Variants in TAFA2 observed in about 807,000 individuals in gnomAD.
TAFA2 encodes TAFA chemokine like family member 2, also known as chemokine-like protein TAFA-2.
A neutral mutation model predicts 18.8 loss-of-function variants in TAFA2; 7 were observed. That is an observed-to-expected ratio of 0.37 (90% CI 0.21 to 0.70). TAFA2 has a LOEUF of 0.70. Ranked by LOEUF, TAFA2 falls within the 30% of genes least tolerant of loss-of-function variation. The pLI, the probability that TAFA2 is intolerant of heterozygous loss-of-function variation, is 0.53. For missense variants in TAFA2, 122 were observed against 158.1 expected (o/e 0.77, Z 1.23); for synonymous variants, 60 against 54.2 (o/e 1.11, Z -0.47).
intron 1 of TAFA2, among the ~76,000 whole-genome samples, chr12:61,955,632 A>AATATATTTATATATATATATAT (rs1878655769): frequency 2.4e-5 from 1 of 41,210 alleles, no homozygotes; most frequent in Non-Finnish European, 3.9e-5. Flanking sequence ...AAAAAAAAAA[A>AATATATTTATATATATATATAT]ATATATATAT....
intron 4 of TAFA2, among the ~76,000 whole-genome samples, chr12:61,715,281 G>T (rs990792298): frequency 6.6e-6 from 1 of 152,106 alleles, no homozygotes; most frequent in African/African-American, 2.4e-5. Context: ...TATTAAAAAT[G>T]AAGCACTGGC....
At chr12:61,908,696 C>T (rs1456527511) in intron 1 of TAFA2, among the ~76,000 whole-genome samples, 1 of 152,056 alleles carries the variant, frequency 6.6e-6, no homozygotes, top group Non-Finnish European at 1.5e-5. Context: ...AAATATAATA[C>T]CAAATTATGG....
chr12:61,893,012 TATAAATAGAG>T (rs1875700361), intron 1 of TAFA2, among the ~76,000 whole-genome samples: 1 of 152,208 alleles, frequency 6.6e-6, no homozygotes, highest in Admixed American at 6.5e-5. Context: ...TGAGTGAGAT[TATAAATAGAG>T]AAGACCCAAG....
chr12:62,243,314 G>C (rs943635643), intron 1 of TAFA2, among the ~76,000 whole-genome samples: 1 of 152,122 alleles, frequency 6.6e-6, no homozygotes, highest in African/African-American at 2.4e-5. Flanking sequence ...CTGCAATATA[G>C]CCCTAACAAA....
At chr12:62,149,164 T>A (rs4965012) in intron 1 of TAFA2, among the ~76,000 whole-genome samples, 3,334 of 152,340 alleles carry the variant, frequency 0.022, 137 homozygotes, top group East Asian at 0.12. Flanking sequence ...ATTCTTGATA[T>A]GAACTCTAGT....
intron 1 of TAFA2, among the ~76,000 whole-genome samples, chr12:61,908,570 C>T (rs1240351053): frequency 4.6e-5 from 7 of 152,104 alleles, no homozygotes; most frequent in Non-Finnish European, 1.0e-4. Flanking sequence ...CACAAAGATA[C>T]GGATTCCAGG....
chr12:61,901,861 A>G (rs1876116325), intron 1 of TAFA2, among the ~76,000 whole-genome samples: 1 of 152,152 alleles, frequency 6.6e-6, no homozygotes. Flanking sequence ...CTGTCATTAT[A>G]TAATTTCTAA....
intron 1 of TAFA2, among the ~76,000 whole-genome samples, chr12:62,092,918 C>T (rs11174307): frequency 0.19 from 28,249 of 151,916 alleles, 2,873 homozygotes; most frequent in East Asian, 0.39. Flanking sequence ...TAAACCATTA[C>T]AATTAAGTGA....
chr12:61,859,716 A>G (rs564027004), intron 2 of TAFA2, among the ~76,000 whole-genome samples: 86 of 152,180 alleles, frequency 5.7e-4, no homozygotes, highest in South Asian at 4.1e-4. Flanking sequence ...TGCTGGGATT[A>G]CAGGCATAAG....
intron 2 of TAFA2, among the ~76,000 whole-genome samples, chr12:61,829,439 G>A (rs1872637536): frequency 6.6e-6 from 1 of 151,664 alleles, no homozygotes; most frequent in Non-Finnish European, 1.5e-5. Context: ...GTTAATACAT[G>A]AATAGGTAAC....
intron 1 of TAFA2, among the ~76,000 whole-genome samples, chr12:62,228,567 A>G (rs1043193251): frequency 4.6e-5 from 7 of 152,162 alleles, no homozygotes; most frequent in African/African-American, 1.4e-4. Context: ...TGACTTTTTT[A>G]TAATAGCCAT....
At chr12:62,097,986 T>C (rs1381978103) in intron 1 of TAFA2, among the ~76,000 whole-genome samples, 1 of 152,164 alleles carries the variant, frequency 6.6e-6, no homozygotes, top group Non-Finnish European at 1.5e-5. Context: ...TAAAAAGAGA[T>C]AGTTTCATGG....
intron 1 of TAFA2, chr12:62,198,247 AT>A (rs2062656951): frequency 6.6e-6 from 1 of 151,896 alleles, no homozygotes; most frequent in African/African-American, 2.4e-5. Context: ...TTCAAACCAG[AT>A]CTATCTAAAG....
chr12:62,144,300 T>C (rs905821129), intron 1 of TAFA2, among the ~76,000 whole-genome samples: 12 of 152,112 alleles, frequency 7.9e-5, no homozygotes, highest in African/African-American at 2.4e-4. Context: ...ATATCACTAT[T>C]GAAAAGCAGA....
At chr12:62,169,179 A>G (rs572060320) in intron 1 of TAFA2, among the ~76,000 whole-genome samples, 1 of 152,220 alleles carries the variant, frequency 6.6e-6, no homozygotes, top group Non-Finnish European at 1.5e-5. Flanking sequence ...AACCTTCTAC[A>G]AAATAATGGA....
intron 2 of TAFA2, among the ~76,000 whole-genome samples, chr12:61,824,773 G>A (rs1401404707): frequency 6.6e-6 from 1 of 152,142 alleles, no homozygotes; most frequent in East Asian, 1.9e-4. Context: ...TGCAGAAAGT[G>A]CTCTGGGGGA....
intron 2 of TAFA2, among the ~76,000 whole-genome samples, chr12:61,865,623 G>T (rs932049217): frequency 1.8e-4 from 27 of 152,152 alleles, no homozygotes; most frequent in Admixed American, 1.3e-3. Context: ...AAAAAGAAAA[G>T]ATCTTAGTTT....
intron 1 of TAFA2, among the ~76,000 whole-genome samples, chr12:61,959,240 A>G (rs1878799570): frequency 6.6e-6 from 1 of 152,004 alleles, no homozygotes; most frequent in Non-Finnish European, 1.5e-5. Context: ...ATGGCATTAA[A>G]TATATATGTT....
chr12:62,241,320 T>C (rs1490921320), intron 1 of TAFA2, among the ~76,000 whole-genome samples: 1 of 152,238 alleles, frequency 6.6e-6, no homozygotes, highest in African/African-American at 2.4e-5. Context: ...TTTTCTTGGC[T>C]GCTAATCAAA....
Sources: allele counts gnomAD v4.1 joint callset (sites outside exome capture counted in the v4.1 genomes callset), GRCh38; gene constraint gnomAD v4.1.1; transcripts MANE v1.5; gene names NCBI Gene and HGNC (gene_info 2026-07-23, HGNC 2026-07-21).